The following FHOD3 variants were observed in gnomAD, a reference collection of about 807,000 sequenced individuals.
The protein encoded by FHOD3 is formin homology 2 domain containing 3.
A neutral mutation model predicts 173.0 loss-of-function variants in FHOD3; 90 were observed. The observed-to-expected ratio is 0.52, with a 90% CI of 0.44 to 0.62. The LOEUF (loss-of-function observed/expected upper bound fraction) is 0.62. FHOD3 is among the 20% of genes least tolerant of loss of function. The pLI is 0.00. For synonymous variants in FHOD3, 828 were observed against 823.0 expected, an observed-to-expected ratio of 1.01 and a Z score of -0.10; for missense variants, 1,945 against 2,034.7, an observed-to-expected ratio of 0.96 and a Z score of 0.85.
intron 17 of FHOD3, 63 bp from the exon 18 acceptor site, chr18:36,709,015 AACCTCACATTCATTCTC>A: frequency 1.3e-6 from 2 of 1,519,882 alleles, no homozygotes; most frequent in Non-Finnish European, 1.8e-6. Flanking sequence ...CAGAGAAATC[AACCTCACATTCATTCTC>A]ACCTCACTTC....
Position 36,687,161 on chromosome 18 carries a change from G to C in FHOD3, c.2004G>C (p.Arg668Ser). The C allele has an allele frequency of 6.2e-7, 1 of 1,611,252 alleles. No homozygotes were observed. Among genetic ancestry groups the C allele is most frequent in the Non-Finnish European group, 8.5e-7 (1 of 1,177,940 alleles). ...RDYLDKREEQ[R>S]QAREERYKYL... ...ATTTAGACAAAAGAGAGGAGCAAAG[G>C]CAAGCAAGAGAAGAAAGGTTTGTAT... is the stretch of plus-strand genomic sequence containing the variant. The change falls in exon 16 of 29, where the codon AGG becomes AGC. Residue 668 changes from arginine (R) to serine (S), a missense_variant. Arg to Ser is a moderately radical substitution (Grantham distance 110). Around this residue, in one of 5 missense-constraint regions of FHOD3, gnomAD observed 1,099 missense variants for 1,051.2 expected, o/e 1.05. Transcript: ENST00000590592.
intron 14 of FHOD3, among the ~76,000 whole-genome samples, chr18:36,671,463 G>A (rs1194762654): frequency 3.9e-5 from 6 of 152,172 alleles, no homozygotes; most frequent in Non-Finnish European, 8.8e-5. Context: ...GGTAAATCTG[G>A]TTCCTGTTAC....
intron 5 of FHOD3, among the ~76,000 whole-genome samples, chr18:36,537,169 C>T (rs2057029959): frequency 6.6e-6 from 1 of 152,192 alleles, no homozygotes; most frequent in South Asian, 2.1e-4. Context: ...AAACAGGACA[C>T]CAACTCCCTG....
At chr18:36,757,291 T>C (rs1018282388) in intron 25 of FHOD3, among the ~76,000 whole-genome samples, 1 of 152,206 alleles carries the variant, frequency 6.6e-6, no homozygotes, top group Non-Finnish European at 1.5e-5. Flanking sequence ...AGTGGCATCA[T>C]TCATGTAGAA....
intron 1 of FHOD3, among the ~76,000 whole-genome samples, chr18:36,346,061 C>T (rs185800988): frequency 1.8e-4 from 27 of 152,296 alleles, no homozygotes; most frequent in Admixed American, 1.6e-3. Flanking sequence ...AGACATAACA[C>T]GTTAAAAACA....
chr18:36,672,570 C>T (rs753111483), intron 14 of FHOD3, among the ~76,000 whole-genome samples: 7 of 152,164 alleles, frequency 4.6e-5, no homozygotes, highest in Admixed American at 6.5e-5. Flanking sequence ...GAGCAAGCCC[C>T]GGCGTGCAGA....
At chr18:36,742,945 C>A in intron 22 of FHOD3, 89 bp downstream of exon 22, 1 of 1,484,908 alleles carries the variant, frequency 6.7e-7, no homozygotes, top group Non-Finnish European at 9.1e-7. Context: ...ACCTCAGGTT[C>A]CCCAAAGCAC....
At chr18:36,441,830 G>A (rs1436989381) in intron 3 of FHOD3, among the ~76,000 whole-genome samples, 1 of 152,186 alleles carries the variant, frequency 6.6e-6, no homozygotes, top group African/African-American at 2.4e-5. Context: ...ACTGAATTTG[G>A]TTGGTAGTGC....
intron 17 of FHOD3, among the ~76,000 whole-genome samples, chr18:36,704,139 T>A (rs1040721213): frequency 3.3e-5 from 5 of 152,200 alleles, no homozygotes; most frequent in African/African-American, 1.2e-4. Context: ...TTTATGCAGT[T>A]TAGTGTTGAT....
intron 14 of FHOD3, among the ~76,000 whole-genome samples, chr18:36,679,753 G>C (rs751396262): frequency 6.6e-6 from 1 of 151,942 alleles, no homozygotes; most frequent in Non-Finnish European, 1.5e-5. Flanking sequence ...AAGGTAGCTC[G>C]TGTGAAACCA....
intron 21 of FHOD3, 21 bp downstream of exon 21, chr18:36,740,859 G>A (rs1261261090): frequency 1.3e-6 from 2 of 1,596,738 alleles, no homozygotes; most frequent in Non-Finnish European, 8.5e-7. Flanking sequence ...TGTAAGAGAG[G>A]CCGCTGATCC....
intron 1 of FHOD3, among the ~76,000 whole-genome samples, chr18:36,342,884 A>G (rs113423362): frequency 0.013 from 1,948 of 152,376 alleles, 19 homozygotes; most frequent in Non-Finnish European, 0.022. Flanking sequence ...GTTTCTCCAG[A>G]AAAGATATAT....
At chr18:36,747,168 G>C in intron 24 of FHOD3, 33 bp downstream of exon 24, 1 of 1,489,072 alleles carries the variant, frequency 6.7e-7, no homozygotes, top group East Asian at 2.4e-5. Flanking sequence ...AGAAATATCA[G>C]TACAATGGCA....
intron 3 of FHOD3, among the ~76,000 whole-genome samples, chr18:36,415,831 G>T (rs1343738683): frequency 6.6e-6 from 1 of 152,106 alleles, no homozygotes; most frequent in Non-Finnish European, 1.5e-5. Context: ...AATAAGGGTG[G>T]CATTTTTCCT....
intron 1 of FHOD3, among the ~76,000 whole-genome samples, chr18:36,351,988 A>G (rs1380886530): frequency 6.6e-6 from 1 of 152,140 alleles, no homozygotes; most frequent in African/African-American, 2.4e-5. Flanking sequence ...CATCTCTGTT[A>G]TCCCTGCTTT....
chr18:36,520,112 C>A (rs1163644071), intron 5 of FHOD3, among the ~76,000 whole-genome samples: 3 of 152,004 alleles, frequency 2.0e-5, no homozygotes, highest in Admixed American at 6.6e-5. Context: ...CATGTACCAC[C>A]ATGGCTGGCT....
intron 16 of FHOD3, 42 bp from the exon 17 acceptor site, chr18:36,693,167 C>T: frequency 1.3e-6 from 2 of 1,569,916 alleles, no homozygotes; most frequent in Non-Finnish European, 1.7e-6. Context: ...GCCACAGGCT[C>T]CTCTTTCGTT....
intron 1 of FHOD3, among the ~76,000 whole-genome samples, chr18:36,320,526 T>G (rs890637559): frequency 1.3e-5 from 2 of 152,172 alleles, no homozygotes; most frequent in Non-Finnish European, 2.9e-5. Flanking sequence ...TAGGACCAGA[T>G]GGATTCACAG....
chr18:36,464,788 A>G (rs565311422), intron 3 of FHOD3, among the ~76,000 whole-genome samples: 15 of 152,034 alleles, frequency 9.9e-5, no homozygotes, highest in African/African-American at 3.4e-4. Flanking sequence ...TTCAGAGGAA[A>G]TAAGAACAAA....
Sources: gnomAD v4.1 joint callset for allele counts (sites outside exome capture counted in the v4.1 genomes callset) on GRCh38, gnomAD v4.1.1 for gene constraint, gnomAD v4.1.1 regional missense constraint, MANE v1.5 for transcripts, NCBI Gene and HGNC (gene_info 2026-07-23, HGNC 2026-07-21) for gene names.